RORB: variants seen among roughly 807,000 people sequenced by gnomAD.
RORB encodes RAR related orphan receptor B.
A neutral mutation model predicts 59.1 loss-of-function variants in RORB; 6 were observed. The observed-to-expected ratio is 0.10, with a 90% confidence interval of 0.06 to 0.20. The LOEUF (loss-of-function observed/expected upper bound fraction) is 0.20. Among genes scored for constraint, RORB ranks in the 10% least tolerant of loss-of-function variants. The pLI, the probability that RORB is intolerant of heterozygous loss-of-function variation, is 1.00. For missense variants in RORB, 320 were observed against 560.5 expected, an observed-to-expected ratio of 0.57 and a Z score of 4.33; for synonymous variants, 215 against 204.5, an observed-to-expected ratio of 1.05 and a Z score of -0.44.
intron 1 of RORB, among the ~76,000 whole-genome samples, chr9:74,565,500 T>G (rs544847913): frequency 4.3e-4 from 65 of 152,310 alleles, no homozygotes; most frequent in African/African-American, 1.5e-3. Flanking sequence ...CATCAAAATT[T>G]TCATAAGCAT....
Position 74,497,887 on chromosome 9 carries a change from T to C in RORB, c.-90T>C. 1.3e-6 allele frequency: 2 copies of C among 1,512,146 alleles called. No homozygotes were observed. Among genetic ancestry groups the C allele is most frequent in the Non-Finnish European group, 1.8e-6 (2 of 1,102,010 alleles). The allele number at this position is 1,512,146 out of a possible 1,614,324, so 93.7% of individuals were successfully genotyped here. A position where few individuals can be genotyped will look rare whatever the true frequency, so the allele number is the denominator to read the frequency against. On this transcript the variant is annotated 5_prime_UTR_variant, in exon 1 of 10. Coordinates refer to ENST00000376896, the MANE Select transcript of RORB (RefSeq NM_006914.4). ...GAGCAGCTCTTCGCCGACCACCTTC[T>C]TCACTCGTGCTGAGCGGGATTTTTG...
At chr9:74,641,162 G>A (rs754215334) in intron 3 of RORB, among the ~76,000 whole-genome samples, 3 of 152,206 alleles carry the variant, frequency 2.0e-5, no homozygotes, top group Non-Finnish European at 4.4e-5. Context: ...CTATTAACAT[G>A]AGCTGAACAA....
chr9:74,678,484 TA>T (rs975786145), intron 9 of RORB, among the ~76,000 whole-genome samples: 7 of 151,850 alleles, frequency 4.6e-5, no homozygotes, highest in East Asian at 1.9e-4. Context: ...AATGAATTAC[TA>T]AAAAAAAATT....
At chr9:74,620,723 C>A (rs1300292991) in intron 1 of RORB, among the ~76,000 whole-genome samples, 1 of 152,120 alleles carries the variant, frequency 6.6e-6, no homozygotes, top group Non-Finnish European at 1.5e-5. Flanking sequence ...TTAAATGTGT[C>A]CTAGAGATTC....
intron 1 of RORB, among the ~76,000 whole-genome samples, chr9:74,628,339 G>A (rs551541128): frequency 6.6e-6 from 1 of 152,202 alleles, no homozygotes; most frequent in Admixed American, 6.5e-5. Context: ...GGAGCTATTG[G>A]AGTAATATAG....
At chr9:74,621,351 G>C (rs116685835) in intron 1 of RORB, among the ~76,000 whole-genome samples, 1,699 of 152,092 alleles carry the variant, frequency 0.011, 40 homozygotes, top group African/African-American at 0.039. Flanking sequence ...TATGTAGCTG[G>C]AATCAAACTG....
chr9:74,513,321 G>A (rs1825965726), intron 1 of RORB, among the ~76,000 whole-genome samples: 1 of 151,924 alleles, frequency 6.6e-6, no homozygotes, highest in South Asian at 2.1e-4. Flanking sequence ...CCTCGCTCTG[G>A]TCCATTAACA....
chr9:74,548,827 A>G (rs1826544194), intron 1 of RORB, among the ~76,000 whole-genome samples: 2 of 152,198 alleles, frequency 1.3e-5, no homozygotes, highest in East Asian at 1.9e-4. Flanking sequence ...TACTCTTTTC[A>G]TTGAAAATAT....
At chr9:74,513,354 A>T (rs936789827) in intron 1 of RORB, among the ~76,000 whole-genome samples, 2 of 152,028 alleles carry the variant, frequency 1.3e-5, no homozygotes, top group South Asian at 2.1e-4. Flanking sequence ...TTTAATATTT[A>T]TTCTTATATT....
At chr9:74,645,469 C>T (rs1329541564) in intron 4 of RORB, among the ~76,000 whole-genome samples, 3 of 152,140 alleles carry the variant, frequency 2.0e-5, no homozygotes, top group African/African-American at 7.2e-5. Flanking sequence ...ATTTACTTAA[C>T]TTCTCTGAGT....
intron 6 of RORB, among the ~76,000 whole-genome samples, chr9:74,664,654 G>T (rs1464991519): frequency 6.6e-6 from 1 of 152,172 alleles, no homozygotes; most frequent in Non-Finnish European, 1.5e-5. Flanking sequence ...CTCTATGCTA[G>T]GTGACGTATC....
At chr9:74,644,927 C>T (rs1405498520) in intron 4 of RORB, among the ~76,000 whole-genome samples, 1 of 152,130 alleles carries the variant, frequency 6.6e-6, no homozygotes, top group Non-Finnish European at 1.5e-5. Flanking sequence ...CCTCTCTGAC[C>T]CTGAGTCTAT....
intron 9 of RORB, among the ~76,000 whole-genome samples, chr9:74,679,057 AC>A (rs773915673): frequency 2.3e-4 from 34 of 147,416 alleles, no homozygotes; most frequent in African/African-American, 7.1e-4. Context: ...AAACAAACAA[AC>A]AAAAAAAAAA....
At chr9:74,603,903 G>GTAA (rs777991061) in intron 1 of RORB, among the ~76,000 whole-genome samples, 1 of 152,170 alleles carries the variant, frequency 6.6e-6, no homozygotes, top group Non-Finnish European at 1.5e-5. Flanking sequence ...TAAGTGTGCT[G>GTAA]TAATAATATA....
At chr9:74,597,600 G>C (rs1296123813) in intron 1 of RORB, among the ~76,000 whole-genome samples, 1 of 151,694 alleles carries the variant, frequency 6.6e-6, no homozygotes, top group Non-Finnish European at 1.5e-5. Flanking sequence ...ATTGAGATGT[G>C]GTCCAAATGT....
intron 1 of RORB, among the ~76,000 whole-genome samples, chr9:74,602,635 A>G (rs2118326882): frequency 6.6e-6 from 1 of 152,270 alleles, no homozygotes; most frequent in Middle Eastern, 3.4e-3. Flanking sequence ...ACAGAGGGGG[A>G]GACAGTTAAC....
In RORB at chr9:74,661,795, C is replaced by G. The variant is rs566955214; in HGVS notation, c.760-679C>G. Among the ~76,000 whole-genome samples the G allele has an allele frequency of 5.9e-3, 898 of 151,720 alleles. 6 individuals are homozygous for G. The highest frequency in any genetic ancestry group is 0.021 in the African/African-American group (855 of 41,384). ...GAGTAGCTGGGACTACAGGCGCCCC[C>G]CCACCACGCCCAGCTAATTTTTTGT... On this transcript the variant is annotated intron_variant, in intron 5 of 9. Transcript: ENST00000376896.
At chr9:74,520,031 T>C (rs927620357) in intron 1 of RORB, among the ~76,000 whole-genome samples, 2 of 151,706 alleles carry the variant, frequency 1.3e-5, no homozygotes, top group African/African-American at 4.8e-5. Context: ...TGCTAACTGC[T>C]ACACACAGCA....
intron 1 of RORB, among the ~76,000 whole-genome samples, chr9:74,531,229 AC>A (rs1473587800): frequency 1.3e-5 from 2 of 151,990 alleles, no homozygotes; most frequent in Non-Finnish European, 2.9e-5. Flanking sequence ...CTGGGATTTC[AC>A]TGATTATTGT....
Sources: allele counts gnomAD v4.1 joint callset (sites outside exome capture counted in the v4.1 genomes callset), GRCh38; gene constraint gnomAD v4.1.1; transcripts MANE v1.5; gene names NCBI Gene and HGNC (gene_info 2026-07-23, HGNC 2026-07-21).